The following TNKS variants were observed in gnomAD, a reference collection of about 807,000 sequenced individuals.
TNKS encodes the protein tankyrase.
A neutral mutation model predicts 135.8 loss-of-function variants in TNKS; 72 were observed. That is an observed-to-expected ratio of 0.53 (90% CI 0.44 to 0.64). The LOEUF (loss-of-function observed/expected upper bound fraction) is 0.64, where lower values mean the gene tolerates loss of function less well. Ranked by LOEUF, TNKS falls within the 30% of genes least tolerant of loss-of-function variation. The pLI is 0.00. For synonymous variants in TNKS, 849 were observed against 649.3 expected (o/e 1.31, Z -4.68); for missense variants, 1,769 against 1,674.0 (o/e 1.06, Z -0.99).
At chr8:9,692,927 T>TTA (rs1255631424) in intron 5 of TNKS, among the ~76,000 whole-genome samples, 3 of 152,196 alleles carry the variant, frequency 2.0e-5, no homozygotes, top group Non-Finnish European at 2.9e-5. Flanking sequence ...TCTCTAGCTG[T>TTA]TAATTTGTTT....
At chr8:9,595,672 G>C (rs1403835325) in intron 2 of TNKS, among the ~76,000 whole-genome samples, 1 of 151,872 alleles carries the variant, frequency 6.6e-6, no homozygotes, top group Non-Finnish European at 1.5e-5. Context: ...GCTTAAATTA[G>C]GTGGAAAAAG....
chr8:9,735,041 C>T lies in TNKS; in HGVS notation c.2490C>T (p.Cys830=), dbSNP rs1009702671. 6 of 1,614,080 alleles carry T rather than the reference C, an allele frequency of 3.7e-6. No individual in the cohort carries two copies. Among genetic ancestry groups the T allele is most frequent in the African/African-American group, 1.3e-5 (1 of 74,938 alleles). Residue 830 remains cysteine, a synonymous_variant, in exon 16 of 27, where the codon TGC becomes TGT. Coordinates refer to ENST00000310430, the MANE Select transcript of TNKS (RefSeq NM_003747.3). ...TCTGTACCCCAGAGAATATCAACTG[C>T]AGAGACACCCAGGGCAGAAATTCAA... ...QKLCTPENIN[C]RDTQGRNSTP...
At chr8:9,707,478 G>C (rs751319974) in intron 8 of TNKS, among the ~76,000 whole-genome samples, 1 of 152,018 alleles carries the variant, frequency 6.6e-6, no homozygotes, top group South Asian at 2.1e-4. Flanking sequence ...CCCATTTCCC[G>C]AGCCCTGCAA....
At chr8:9,611,230 A>C (rs1799449612) in intron 2 of TNKS, among the ~76,000 whole-genome samples, 1 of 152,134 alleles carries the variant, frequency 6.6e-6, no homozygotes. Context: ...TACTCTCTGG[A>C]ATTTGAGGTT....
intron 3 of TNKS, among the ~76,000 whole-genome samples, chr8:9,638,916 A>C (rs1437483081): frequency 6.6e-6 from 1 of 152,194 alleles, no homozygotes; most frequent in Admixed American, 6.5e-5. Flanking sequence ...AACCTAAAAG[A>C]GTGAATGATT....
rs147070380 is a variant in TNKS at position 9,664,529 on chromosome 8, T to C, written c.995-15422T>C. Among the ~76,000 whole-genome samples the C allele has an allele frequency of 2.0e-3, 312 of 152,302 alleles. 2 individuals are homozygous for C. The highest frequency in any genetic ancestry group is 7.2e-3 in the African/African-American group (300 of 41,562). ...ATTCAAACTGTAGCACGTTAACATATAAAAATGTACTTATCACTTATCTGA... is the reference window on the plus strand; with the variant it reads ...ATTCAAACTGTAGCACGTTAACATACAAAAATGTACTTATCACTTATCTGA... On this transcript the variant is annotated intron_variant, in intron 3 of 26. Coordinates refer to ENST00000310430, the MANE Select transcript of TNKS (RefSeq NM_003747.3).
Position 9,761,598 on chromosome 8 carries a change from TAATC to T in TNKS, c.3239_3242del (p.Ile1080LysfsTer3). ...AATGCATATGGGCACCGCCACAAAT[TAATC>T]AAAGGAGTAGAAAGACTCTTAGGTG... is the stretch of plus-strand genomic sequence containing the variant. On this transcript the variant is annotated frameshift_variant, in exon 21 of 27. Coordinates refer to ENST00000310430, the MANE Select transcript of TNKS (RefSeq NM_003747.3). LOFTEE classifies it high-confidence loss of function. 2 of 1,599,396 alleles carry T rather than the reference TAATC, an allele frequency of 1.3e-6. No individual in the cohort carries two copies. Among genetic ancestry groups the T allele is most frequent in the Non-Finnish European group, 1.7e-6 (2 of 1,176,474 alleles).
chr8:9,724,108 C>G (rs2128814108), intron 12 of TNKS, among the ~76,000 whole-genome samples: 1 of 152,214 alleles, frequency 6.6e-6, no homozygotes, highest in African/African-American at 2.4e-5. Context: ...AGATTGGAGA[C>G]AAAATAAGAA....
intron 2 of TNKS, among the ~76,000 whole-genome samples, chr8:9,611,059 C>T (rs1799441907): frequency 6.6e-6 from 1 of 152,186 alleles, no homozygotes. Flanking sequence ...AATCGTGTGT[C>T]CTTCTTGACA....
intron 1 of TNKS, 80 bp downstream of exon 1, chr8:9,556,692 T>G: frequency 6.5e-7 from 1 of 1,532,744 alleles, no homozygotes; most frequent in Non-Finnish European, 8.9e-7. Context: ...CAGGTTATTG[T>G]GATGGGACAA....
intron 3 of TNKS, among the ~76,000 whole-genome samples, chr8:9,649,906 T>C (rs1347266954): frequency 1.4e-5 from 1 of 72,506 alleles, no homozygotes; most frequent in Non-Finnish European, 2.9e-5. Context: ...TTTTTTTTTT[T>C]TGAGATGGAG....
chr8:9,633,294 T>A (rs1446063018), intron 3 of TNKS, among the ~76,000 whole-genome samples: 1 of 152,184 alleles, frequency 6.6e-6, no homozygotes, highest in African/African-American at 2.4e-5. Context: ...TTGTTTGTAA[T>A]TGCAAAATAT....
chr8:9,617,298 C>T (rs1168231716), intron 3 of TNKS, among the ~76,000 whole-genome samples: 1 of 152,186 alleles, frequency 6.6e-6, no homozygotes, highest in Non-Finnish European at 1.5e-5. Flanking sequence ...CTAAAATTGA[C>T]TTTAAAGCCA....
intron 5 of TNKS, among the ~76,000 whole-genome samples, chr8:9,690,935 A>G (rs1463043692): frequency 1.3e-5 from 2 of 152,164 alleles, no homozygotes; most frequent in Admixed American, 1.3e-4. Context: ...CTTAATGGCA[A>G]CTAGTTCAAC....
At chr8:9,650,284 G>A (rs1253159481) in intron 3 of TNKS, among the ~76,000 whole-genome samples, 2 of 152,088 alleles carry the variant, frequency 1.3e-5, no homozygotes, top group African/African-American at 4.8e-5. Flanking sequence ...CTGTAAACAT[G>A]GGTGCAAGTA....
At chr8:9,719,941 A>G (rs190318954) in intron 11 of TNKS, among the ~76,000 whole-genome samples, 1 of 152,324 alleles carries the variant, frequency 6.6e-6, no homozygotes, top group East Asian at 1.9e-4. Context: ...AATATAATCA[A>G]CTACTTTGAC....
At chr8:9,635,043 G>C (rs1346259787) in intron 3 of TNKS, among the ~76,000 whole-genome samples, 1 of 152,112 alleles carries the variant, frequency 6.6e-6, no homozygotes, top group Non-Finnish European at 1.5e-5. Context: ...GGTGGCAGGC[G>C]CCTGTAGGCG....
chr8:9,615,476 A>C (rs1191360980), intron 2 of TNKS, 106 bp from the exon 3 acceptor site: 12 of 786,688 alleles, frequency 1.5e-5, no homozygotes, highest in Non-Finnish European at 1.9e-5. Context: ...AAGAGAAAAA[A>C]TTTGTGCAAT....
chr8:9,609,761 C>T (rs186872845), intron 2 of TNKS, among the ~76,000 whole-genome samples: 3 of 152,202 alleles, frequency 2.0e-5, no homozygotes, highest in African/African-American at 7.2e-5. Flanking sequence ...GCTACTCTGC[C>T]GTTACTGAAA....
Sources: allele counts gnomAD v4.1 joint callset (sites outside exome capture counted in the v4.1 genomes callset), GRCh38; gene constraint gnomAD v4.1.1; transcripts MANE v1.5; gene names NCBI Gene and HGNC (gene_info 2026-07-23, HGNC 2026-07-21).